Variants in SCARF1 observed in about 807,000 individuals in gnomAD.
The protein encoded by SCARF1 is acetyl LDL receptor.
In SCARF1, 49 loss-of-function variants were observed where a neutral mutation model predicts 76.3. The ratio of observed to expected loss-of-function variants is 0.64; its 90% CI spans 0.51 to 0.81. SCARF1 has a LOEUF of 0.81. SCARF1 is among the 40% of genes least tolerant of loss of function. SCARF1 has a pLI of 0.00. For missense variants in SCARF1, 1,098 were observed against 1,143.9 expected (o/e 0.96, Z 0.58); for synonymous variants, 495 against 474.6 (o/e 1.04, Z -0.56).
rs1347323421 is a variant in SCARF1, at chr17:1,644,011, G to A, written c.266-44C>T. The A allele has an allele frequency of 1.6e-6, 2 of 1,276,344 alleles. No individual in the cohort carries two copies. Among genetic ancestry groups the A allele is most frequent in the East Asian group, 3.1e-5 (1 of 31,942 alleles). 79.1% of individuals were successfully genotyped at this position (1,276,344 alleles called of 1,614,324 possible). A position where few individuals can be genotyped will look rare whatever the true frequency, so the allele number is the denominator to read the frequency against. On this transcript the variant is annotated intron_variant, in intron 3 of 10. Coordinates refer to ENST00000263071, the MANE Select transcript of SCARF1 (RefSeq NM_003693.4). This position sits in a 1 kb window ranked among gnomAD's most constrained non-coding sequence, Gnocchi z 4.8. ...GAGGGGTCAGCGGGCTCAGGGCCGC[G>A]CGCAGACCCTTACCCTGCGTCCCCT...
chr17:1,635,038 C>A lies in SCARF1; in HGVS notation c.2213G>T (p.Arg738Leu), dbSNP rs147642060. The change falls in exon 11 of 11, where the codon CGG (arginine) becomes CTG (leucine). Residue 738 changes from arginine (R) to leucine (L), a missense_variant. Coordinates refer to ENST00000263071, the MANE Select transcript of SCARF1 (RefSeq NM_003693.4). ...GGCAAGGCCAGGGCTGCCCTTTTTCCGATTCAGGGCCTGGCGCGGAGGCTT... is the reference window on the plus strand; with the variant it reads ...GGCAAGGCCAGGGCTGCCCTTTTTCAGATTCAGGGCCTGGCGCGGAGGCTT... ...IPKPPRQALN[R>L]KKGSPGLASG... The A allele has an allele frequency of 2.5e-6, 4 of 1,613,874 alleles. No homozygotes were observed. The highest frequency in any genetic ancestry group is 1.7e-4 in the Middle Eastern group (1 of 6,054).
intron 10 of SCARF1, 53 bp from the exon 11 acceptor site, chr17:1,635,670 C>A: frequency 1.3e-6 from 2 of 1,542,658 alleles, no homozygotes; most frequent in Middle Eastern, 2.3e-4. Flanking sequence ...CACCCCAATG[C>A]ATCCTACCCA....
At chr17:1,637,188 G>T in intron 8 of SCARF1, 126 bp from the exon 9 acceptor site, 2 of 1,009,146 alleles carry the variant, frequency 2.0e-6, no homozygotes, top group Non-Finnish European at 1.4e-6. Context: ...ATTGACTACA[G>T]AATAAAATCC....
In SCARF1 at chr17:1,634,365, G is replaced by GCGA; in HGVS notation, c.*392_*393insTCG. The GCGA allele has an allele frequency of 2.8e-6, 1 of 356,940 alleles. No homozygotes were observed. The highest frequency in any genetic ancestry group is 5.0e-6 in the Non-Finnish European group (1 of 201,832). The allele number at this position is 356,940 out of a possible 1,614,324, so 22.1% of individuals were successfully genotyped here. ...GATCGCACCACTGCACTCCAGCCTG[G>GCGA]GGGACAGAGGGAGATTCTGTCTCAA... On this transcript the variant is annotated 3_prime_UTR_variant, in exon 11 of 11. Transcript: ENST00000263071.
Position 1,639,757 on chromosome 17 carries a change from G to T in SCARF1, c.1140-15C>A. 6.2e-7 allele frequency: 1 copy of T among 1,606,300 alleles called. No homozygotes were observed. The highest frequency in any genetic ancestry group is 2.2e-5 in the East Asian group (1 of 44,608). On this transcript the variant is annotated splice_polypyrimidine_tract_variant and intron_variant, in intron 6 of 10. Transcript: ENST00000263071. ...AGGCGTTGCAGCTATGGAGTGACAT[G>T]GAGAGGCAGGCTGAGGGCTGGGTGA...
chr17:1,644,883 C>A lies in SCARF1; in HGVS notation c.216G>T (p.Pro72=), dbSNP rs372674432. ...ATCCAGGCTTGCATCGACAGAGGCC[C>A]GGCTTCACACACACCTCGTCTTTCT... is the stretch of plus-strand genomic sequence containing the variant. ...ACQKDEVCVK[P]GLCRCKPGFF... Residue 72 remains proline, a synonymous_variant, in exon 3 of 11, where the codon CCG becomes CCT. Transcript: ENST00000263071. The surrounding 1 kb of genome is among the most constrained non-coding windows in gnomAD (Gnocchi z 4.8). The A allele has an allele frequency of 2.2e-5, 35 of 1,613,524 alleles. No individual in the cohort carries two copies. In the African/African-American group the frequency reaches 4.3e-4, roughly 20 times the overall value.
In SCARF1 at chr17:1,640,046, G is replaced by A. The variant is rs1909908087; in HGVS notation, c.1011-6C>T. 4.3e-6 allele frequency: 7 copies of A among 1,613,122 alleles called. No homozygotes were observed. Among genetic ancestry groups the A allele is most frequent in the Non-Finnish European group, 5.9e-6 (7 of 1,179,764 alleles). On this transcript the variant is annotated splice_region_variant and splice_polypyrimidine_tract_variant and intron_variant, in intron 5 of 10. Transcript: ENST00000263071. This position sits in a 1 kb window ranked among gnomAD's most constrained non-coding sequence, Gnocchi z 4.7. ...TGGGGCAGGGGTCTTCACACCTGGGGTGAGGCAAGACTCGGGGAAGGGGAG... is the reference window on the plus strand; with the variant it reads ...TGGGGCAGGGGTCTTCACACCTGGGATGAGGCAAGACTCGGGGAAGGGGAG...
At position 1,635,324 on chromosome 17, in the gene SCARF1, C is replaced by A; in HGVS notation, c.1927G>T (p.Ala643Ser). ...EESTGPEEAEAPESFPAAASP... is the reference protein window; with the variant it reads ...EESTGPEEAESPESFPAAASP... ...GCAGCCGCCGGAAAGGACTCGGGGG[C>A]TTCTGCTTCCTCTGGGCCTGTGGAC... The change falls in exon 11 of 11, where the codon GCC becomes TCC. Residue 643 changes from alanine to serine, a missense_variant. Physicochemically the swap from Ala to Ser is moderately conservative, Grantham distance 99 (BLOSUM62 1). Coordinates refer to ENST00000263071, the MANE Select transcript of SCARF1 (RefSeq NM_003693.4). 6.2e-7 allele frequency: 1 copy of A among 1,612,626 alleles called. No homozygotes were observed. The highest frequency in any genetic ancestry group is 8.5e-7 in the Non-Finnish European group (1 of 1,179,384).
chr17:1,644,986 A>AC lies in SCARF1; in HGVS notation c.164-52dup. 6.3e-7 allele frequency: 1 copy of AC among 1,582,624 alleles called. No individual in the cohort carries two copies. ...AAAGACGGGAGCAGGACCAGGGGACACCCCTGCCCTCTCACTGGCTCCAGG... is the reference window on the plus strand; with the variant it reads ...AAAGACGGGAGCAGGACCAGGGGACACCCCCTGCCCTCTCACTGGCTCCAGG... On this transcript the variant is annotated intron_variant, in intron 2 of 10. Transcript: ENST00000263071. This position sits in a 1 kb window ranked among gnomAD's most constrained non-coding sequence, Gnocchi z 4.8.
chr17:1,644,257 T>C lies in SCARF1; in HGVS notation c.266-290A>G. ...ACTTGCCCAGAGCGTGGCACCGAGG[T>C]TGGTGGGCCTTCCTCCATGCCTGCT... On this transcript the variant is annotated intron_variant, in intron 3 of 10. Coordinates refer to ENST00000263071, the MANE Select transcript of SCARF1 (RefSeq NM_003693.4). This position sits in a 1 kb window ranked among gnomAD's most constrained non-coding sequence, Gnocchi z 4.8. The C allele has an allele frequency of 2.8e-6, 1 of 361,052 alleles. No individual in the cohort carries two copies. Among genetic ancestry groups the C allele is most frequent in the Non-Finnish European group, 5.0e-6 (1 of 201,638 alleles). The allele number at this position is 361,052 out of a possible 1,614,324, so 22.4% of individuals were successfully genotyped here.
chr17:1,638,629 C>G, intron 8 of SCARF1, 177 bp downstream of exon 8: 1 of 768,938 alleles, frequency 1.3e-6, no homozygotes, highest in Non-Finnish European at 1.9e-6. Context: ...GCCAGCCCTC[C>G]CCACCCCCAT....
chr17:1,633,952 A>C lies in SCARF1; in HGVS notation c.*806T>G, dbSNP rs1909295940. Reference sequence around the variant, plus strand: ...AATTCAATCTAGTAACAAAAGTAAAAAAGAATGTTCACTGTAGAAAATTTG... The same window carrying C: ...AATTCAATCTAGTAACAAAAGTAAACAAGAATGTTCACTGTAGAAAATTTG... On this transcript the variant is annotated 3_prime_UTR_variant, in exon 11 of 11. Transcript: ENST00000263071. 1 of 151,692 alleles carries C rather than the reference A, an allele frequency of 6.6e-6. No individual in the cohort carries two copies. The highest frequency in any genetic ancestry group is 2.4e-5 in the African/African-American group (1 of 40,964). The allele number at this position is 151,692 out of a possible 1,614,324, so 9.4% of individuals were successfully genotyped here.
rs763605342 is a variant in SCARF1, at chr17:1,636,879, C to T, written c.1487-24G>A. 45 of 1,613,566 alleles carry T rather than the reference C, an allele frequency of 2.8e-5. No individual in the cohort carries two copies. The East Asian group carries it at 9.1e-4, about 33-fold the overall frequency. ...GACTGTAGAGACTCCAGATCAGGCG[C>T]CTGCAGGACCTGATGCAAAGCCCTG... is the stretch of plus-strand genomic sequence containing the variant. On this transcript the variant is annotated intron_variant, in intron 9 of 10. Transcript: ENST00000263071.
Position 1,635,501 on chromosome 17 carries a change from G to C in SCARF1, c.1750C>G (p.Arg584Gly), listed in dbSNP as rs775211125. Reference protein sequence around the residue: ...FAIPRTSSLARAKRPSVSFAE... With the variant: ...FAIPRTSSLAGAKRPSVSFAE... ...AAGGAGACCGATGGCCGCTTGGCCC[G>C]AGCTAGGCTGGAGGTGCGCGGGATG... Residue 584 changes from arginine (R) to glycine (G), a missense_variant, in exon 11 of 11, where the codon CGG (arginine) becomes GGG (glycine). Physicochemically the swap from Arg to Gly is moderately radical, Grantham distance 125. Transcript: ENST00000263071. The C allele has an allele frequency of 1.2e-6, 2 of 1,613,954 alleles. No homozygotes were observed.
Position 1,643,563 on chromosome 17 carries a change from C to T in SCARF1, c.670G>A (p.Glu224Lys). The change falls in exon 4 of 11, where the codon GAG becomes AAG. Residue 224 changes from glutamate to lysine, a missense_variant. By Grantham distance (56) the Glu-to-Lys change is moderately conservative. Coordinates refer to ENST00000263071, the MANE Select transcript of SCARF1 (RefSeq NM_003693.4). Reference sequence around the variant, plus strand: ...GCGCTGCAGCGGCCCCGCACACACTCGCACTGCTGCTGGCATTCGGGACCC... The same window carrying T: ...GCGCTGCAGCGGCCCCGCACACACTTGCACTGCTGCTGGCATTCGGGACCC... ...WWGPECQQQCECVRGRCSAAS... is the reference protein window; with the variant it reads ...WWGPECQQQCKCVRGRCSAAS... The T allele has an allele frequency of 6.8e-7, 1 of 1,472,258 alleles. No homozygotes were observed. 91.2% of individuals were successfully genotyped at this position (1,472,258 alleles called of 1,614,324 possible). A position where few individuals can be genotyped will look rare whatever the true frequency, so the allele number is the denominator to read the frequency against.
chr17:1,638,799 C>A lies in SCARF1; in HGVS notation c.1364+7G>T. The A allele has an allele frequency of 6.2e-7, 1 of 1,600,836 alleles. No individual in the cohort carries two copies. Among genetic ancestry groups the A allele is most frequent in the Non-Finnish European group, 8.5e-7 (1 of 1,172,528 alleles). On this transcript the variant is annotated splice_region_variant and intron_variant, in intron 8 of 10. Transcript: ENST00000263071. ...GCTGTGTGGGGAAGGGACGGGCTGG[C>A]GTTCACCTGTCCTTGAGGTCTGATC...
rs987599199 is a variant in SCARF1, at chr17:1,640,965, A to G, written c.792-299T>C. Among the ~76,000 whole-genome samples, 1 of 152,188 alleles carries G rather than the reference A, an allele frequency of 6.6e-6. No homozygotes were observed. Among genetic ancestry groups the G allele is most frequent in the African/African-American group, 2.4e-5 (1 of 41,452 alleles). ...GCAGGCGAGTCACCACCAAGCTCTG[A>G]GTCCCATTTGCGAGGTCTGCCAGGC... is the stretch of plus-strand genomic sequence containing the variant. On this transcript the variant is annotated intron_variant, in intron 4 of 10. Coordinates refer to ENST00000263071, the MANE Select transcript of SCARF1 (RefSeq NM_003693.4). This position sits in a 1 kb window ranked among gnomAD's most constrained non-coding sequence, Gnocchi z 4.7.
rs1910455829 is a variant in SCARF1, at chr17:1,645,421, T to C, written c.101+176A>G. On this transcript the variant is annotated intron_variant, in intron 1 of 10. Transcript: ENST00000263071. This position sits in a 1 kb window ranked among gnomAD's most constrained non-coding sequence, Gnocchi z 6.3. ...CTCCTTCCCTGACCCTTCCACCATC[T>C]GCCCTGGCTGGCCACTACCTGCCAG... 3 of 1,453,768 alleles carry C rather than the reference T, an allele frequency of 2.1e-6. No homozygotes were observed. In the Admixed American group the frequency reaches 6.5e-5, roughly 32 times the overall value. The allele number at this position is 1,453,768 out of a possible 1,614,324, so 90.1% of individuals were successfully genotyped here.
chr17:1,636,974 A>C lies in SCARF1; in HGVS notation c.1453T>G (p.Ser485Ala). Residue 485 changes from serine (S) to alanine (A), a missense_variant, in exon 9 of 11, where the codon TCC becomes GCC. Coordinates refer to ENST00000263071, the MANE Select transcript of SCARF1 (RefSeq NM_003693.4). ...TSLGSTLPCR[S>A]LSSHKLPWVT... ...CAGGGTAGCTTGTGGGAGCTGAGGG[A>C]ACGGCAGGGCAGCGTGGAGCCCAAG... 2 of 1,613,966 alleles carry C rather than the reference A, an allele frequency of 1.2e-6. No homozygotes were observed. The highest frequency in any genetic ancestry group is 1.1e-5 in the South Asian group (1 of 91,074).
Sources: allele counts gnomAD v4.1 joint callset (sites outside exome capture counted in the v4.1 genomes callset), GRCh38; gene constraint gnomAD v4.1.1; non-coding constraint Gnocchi (gnomAD v3.1); transcripts MANE v1.5; gene names NCBI Gene and HGNC (gene_info 2026-07-23, HGNC 2026-07-21).